Variants in FBLN2 observed in about 807,000 individuals in gnomAD.
FBLN2 encodes fibulin 2.
In FBLN2, 81 loss-of-function variants were observed where a neutral mutation model predicts 123.7. The ratio of observed to expected loss-of-function variants is 0.65; its 90% confidence interval spans 0.55 to 0.79. The LOEUF (loss-of-function observed/expected upper bound fraction) is 0.79. Among genes scored for constraint, FBLN2 ranks in the 30% least tolerant of loss-of-function variants. FBLN2 has a pLI of 0.00. For synonymous variants in FBLN2, 699 were observed against 701.4 expected, an observed-to-expected ratio of 1.00 and a Z score of 0.05; for missense variants, 1,603 against 1,681.3, an observed-to-expected ratio of 0.95 and a Z score of 0.81.
At chr3:13,582,188 C>T (rs1034795543) in intron 2 of FBLN2, among the ~76,000 whole-genome samples, 7 of 152,158 alleles carry the variant, frequency 4.6e-5, no homozygotes, top group Admixed American at 3.3e-4. Flanking sequence ...TGAGGCCCTG[C>T]TGAGAGGGTG....
intron 17 of FBLN2, among the ~76,000 whole-genome samples, chr3:13,637,213 A>G (rs1559431353): frequency 6.6e-6 from 1 of 151,992 alleles, no homozygotes; most frequent in Non-Finnish European, 1.5e-5. Flanking sequence ...AAGAAGGGAG[A>G]AGGAGGAGGA....
intron 2 of FBLN2, among the ~76,000 whole-genome samples, chr3:13,602,069 C>T (rs1483244904): frequency 6.6e-6 from 1 of 152,250 alleles, no homozygotes; most frequent in African/African-American, 2.4e-5. Context: ...TCTGGGATTA[C>T]AGGCTATGGA....
At chr3:13,576,286 A>C (rs1326156205) in intron 2 of FBLN2, among the ~76,000 whole-genome samples, 17 of 152,172 alleles carry the variant, frequency 1.1e-4, no homozygotes, top group Non-Finnish European at 2.1e-4. Context: ...AGAGCCCCTC[A>C]TGCCCCCTCC....
chr3:13,619,913 C>A, intron 8 of FBLN2, 82 bp downstream of exon 8: 1 of 1,094,116 alleles, frequency 9.1e-7, no homozygotes, highest in Non-Finnish European at 1.3e-6. Flanking sequence ...GTGGCTGAGA[C>A]TTAAAACTTG....
intron 2 of FBLN2, among the ~76,000 whole-genome samples, chr3:13,573,787 C>T (rs888238685): frequency 6.6e-6 from 1 of 151,448 alleles, no homozygotes; most frequent in African/African-American, 2.4e-5. Context: ...CCCGTAATCC[C>T]AGCTACTTGG....
intron 1 of FBLN2, among the ~76,000 whole-genome samples, chr3:13,549,680 A>G (rs1316550347): frequency 1.5e-5 from 2 of 134,306 alleles, no homozygotes. Context: ...TACCCCCTCC[A>G]TCACCCCCAA....
chr3:13,618,609 C>T (rs1167136003), intron 6 of FBLN2, among the ~76,000 whole-genome samples: 1 of 152,204 alleles, frequency 6.6e-6, no homozygotes, highest in Non-Finnish European at 1.5e-5. Context: ...TGAGGGATTT[C>T]CTCCCAGTCA....
chr3:13,632,819 C>A (rs1336183955), intron 16 of FBLN2, among the ~76,000 whole-genome samples: 2 of 151,942 alleles, frequency 1.3e-5, no homozygotes, highest in African/African-American at 4.8e-5. Flanking sequence ...GTCTTGCTGG[C>A]TGCAAAGCCC....
chr3:13,570,590 G>T lies in FBLN2; in HGVS notation c.235G>T (p.Val79Leu), dbSNP rs376389609. The T allele has an allele frequency of 2.5e-6, 4 of 1,579,486 alleles. No homozygotes were observed. The highest frequency in any genetic ancestry group is 2.3e-5 in the East Asian group (1 of 43,136). Residue 79 changes from valine (V) to leucine (L), a missense_variant, in exon 2 of 18, where the codon GTG (valine) becomes TTG (leucine). Val to Leu is a conservative substitution (Grantham distance 32). Coordinates refer to ENST00000404922, the MANE Select transcript of FBLN2 (RefSeq NM_001004019.2). ...QYYDCLQGGF[V>L]RGRVPAGQSY... ...CTATGACTGCCTACAGGGTGGCTTCGTGCGCGGCCGCGTGCCCGCCGGTCA... is the reference window on the plus strand; with the variant it reads ...CTATGACTGCCTACAGGGTGGCTTCTTGCGCGGCCGCGTGCCCGCCGGTCA...
At chr3:13,629,093 G>T (rs773518471) in intron 12 of FBLN2, 45 bp downstream of exon 12, 2 of 1,612,762 alleles carry the variant, frequency 1.2e-6, no homozygotes, top group South Asian at 1.1e-5. Context: ...CGGCCTGCCC[G>T]CTTCCCCACC....
intron 11 of FBLN2, among the ~76,000 whole-genome samples, chr3:13,628,551 C>A (rs770495744): frequency 1.7e-4 from 26 of 152,200 alleles, no homozygotes; most frequent in Middle Eastern, 3.2e-3. Context: ...AAAGGGTTTG[C>A]TTAGTCTCTG....
At chr3:13,620,278 C>G (rs1017676234) in intron 8 of FBLN2, among the ~76,000 whole-genome samples, 8 of 152,192 alleles carry the variant, frequency 5.3e-5, no homozygotes, top group Admixed American at 3.3e-4. Context: ...CGGACACCAC[C>G]TCCACTCACC....
chr3:13,567,948 A>G (rs745416439), intron 1 of FBLN2, among the ~76,000 whole-genome samples: 27 of 152,148 alleles, frequency 1.8e-4, no homozygotes, highest in Non-Finnish European at 2.9e-4. Flanking sequence ...ACAGAGTGAG[A>G]CCCTGTCTCT....
chr3:13,592,765 A>G (rs894537013), intron 2 of FBLN2, among the ~76,000 whole-genome samples: 6 of 152,082 alleles, frequency 3.9e-5, no homozygotes, highest in African/African-American at 1.4e-4. Context: ...ATTGATTTTA[A>G]CCCTTTATTT....
In FBLN2 at chr3:13,571,354, G is replaced by A. The variant is rs773098448; in HGVS notation, c.999G>A (p.Gly333=). 2.5e-6 allele frequency: 4 copies of A among 1,611,662 alleles called. No individual in the cohort carries two copies. The East Asian group carries it at 8.9e-5, about 36-fold the overall frequency. Residue 333 remains glycine (G), a synonymous_variant, in exon 2 of 18, where the codon GGG becomes GGA. Coordinates refer to ENST00000404922, the MANE Select transcript of FBLN2 (RefSeq NM_001004019.2). ...RAEAGARAEA[G]ARPEENLILD... ...AAGCTGGGGCAAGGGCAGAAGCTGG[G>A]GCAAGGCCTGAAGAGAACCTCATCC... is the stretch of plus-strand genomic sequence containing the variant.
chr3:13,587,252 G>C (rs920567728), intron 2 of FBLN2, among the ~76,000 whole-genome samples: 5 of 151,920 alleles, frequency 3.3e-5, no homozygotes, highest in Non-Finnish European at 7.4e-5. Context: ...GGGCATTTAT[G>C]TTTTAAGGTA....
At chr3:13,636,966 G>C (rs1363566514) in intron 17 of FBLN2, among the ~76,000 whole-genome samples, 1 of 152,206 alleles carries the variant, frequency 6.6e-6, no homozygotes, top group Non-Finnish European at 1.5e-5. Flanking sequence ...GCCTGTCCGG[G>C]GTGCGGGATC....
At chr3:13,629,111 G>T in intron 12 of FBLN2, 53 bp from the exon 13 acceptor site, 1 of 1,612,790 alleles carries the variant, frequency 6.2e-7, no homozygotes, top group Non-Finnish European at 8.5e-7. Context: ...ACCCCTGGGA[G>T]GTGTGTGTGG....
At chr3:13,584,974 C>A (rs981454155) in intron 2 of FBLN2, among the ~76,000 whole-genome samples, 1 of 152,232 alleles carries the variant, frequency 6.6e-6, no homozygotes, top group Non-Finnish European at 1.5e-5. Context: ...AATGGCTGTG[C>A]TTCTGTCCCT....
Sources: allele counts gnomAD v4.1 joint callset (sites outside exome capture counted in the v4.1 genomes callset), GRCh38; gene constraint gnomAD v4.1.1; transcripts MANE v1.5; gene names NCBI Gene and HGNC (gene_info 2026-07-23, HGNC 2026-07-21).